DLC1: variants seen among roughly 807,000 people sequenced by gnomAD.
DLC1 encodes the protein rho GTPase-activating protein 7.
DLC1 carries 54 observed loss-of-function variants against 140.3 expected under a neutral mutation model. That is an observed-to-expected ratio of 0.38 (90% CI 0.31 to 0.48). DLC1 has a LOEUF of 0.48. Ranked by LOEUF, DLC1 falls within the 20% of genes least tolerant of loss-of-function variation. The probability of loss-of-function intolerance (pLI) is 0.96; values close to 1 mark genes in which losing one functional copy is unlikely to be tolerated. For missense variants in DLC1, 2,536 were observed against 1,907.0 expected (o/e 1.33, Z -6.14); for synonymous variants, 986 against 728.1 (o/e 1.35, Z -5.70).
intron 5 of DLC1, among the ~76,000 whole-genome samples, chr8:13,256,416 G>A (rs1028113066): frequency 7.2e-5 from 11 of 152,110 alleles, no homozygotes; most frequent in East Asian, 1.9e-4. Flanking sequence ...AAAGACACAC[G>A]CACACGTATG....
chr8:13,549,105 T>C (rs556263013), intron 1 of DLC1, among the ~76,000 whole-genome samples: 80 of 152,186 alleles, frequency 5.3e-4, no homozygotes, highest in African/African-American at 1.9e-3. Flanking sequence ...AGATGACTTA[T>C]TTTCTTACTC....
At position 13,366,664 on chromosome 8, in the gene DLC1, A is replaced by T. The variant is rs1216061864; in HGVS notation, c.1314+26889T>A. Among the ~76,000 whole-genome samples the T allele has an allele frequency of 2.6e-5, 4 of 152,222 alleles. No homozygotes were observed. In the East Asian group the frequency reaches 7.7e-4, roughly 29 times the overall value. ...TTAGAGCAGATATAAATTTTGGGCC[A>T]GAAACTTCCCCTGACTAGGTCTTCT... On this transcript the variant is annotated intron_variant, in intron 4 of 17. Coordinates refer to ENST00000276297, the MANE Select transcript of DLC1 (RefSeq NM_182643.3).
At position 13,085,820 on chromosome 8, in the gene DLC1, T is replaced by A; in HGVS notation, c.4578A>T (p.Lys1526Asn). ...SNQNTETKDT[K>N]SR The stretch of plus-strand genomic sequence containing the variant: ...TGCGTTGCTTCAGTGATCACCTAGA[T>A]TTGGTGTCTTTGGTTTCAGTGTTCT... Residue 1526 changes from lysine (K) to asparagine (N), a missense_variant, in exon 18 of 18, where the codon AAA becomes AAT. By Grantham distance (94) the Lys-to-Asn change is moderately conservative. Coordinates refer to ENST00000276297, the MANE Select transcript of DLC1 (RefSeq NM_182643.3). 1.9e-6 allele frequency: 3 copies of A among 1,614,122 alleles called. No individual in the cohort carries two copies. Among genetic ancestry groups the A allele is most frequent in the Non-Finnish European group, 2.5e-6 (3 of 1,179,996 alleles).
chr8:13,107,095 G>T (rs1461014465), intron 7 of DLC1, among the ~76,000 whole-genome samples: 1 of 152,166 alleles, frequency 6.6e-6, no homozygotes, highest in Non-Finnish European at 1.5e-5. Context: ...TTTCTCCAAG[G>T]GAACAGACAC....
At chr8:13,353,459 T>C (rs1729143) in intron 4 of DLC1, 144,694 of 151,502 alleles carry the variant, frequency 0.96, 69,250 homozygotes, top group East Asian at 1. Flanking sequence ...AGTGTGGTTT[T>C]GAAGAGAATA....
At chr8:13,506,898 G>C (rs551997622) in intron 1 of DLC1, among the ~76,000 whole-genome samples, 2 of 152,044 alleles carry the variant, frequency 1.3e-5, no homozygotes, top group South Asian at 4.2e-4. Flanking sequence ...GCATATGTTG[G>C]AAACCTGAAT....
At position 13,297,282 on chromosome 8, in the gene DLC1, T is replaced by TAAAAAAAAAAAAAAAAAAAAAAAAAAAAA. The variant is rs60048506; in HGVS notation, c.1348+7986_1348+7987insTTTTTTTTTTTTTTTTTTTTTTTTTTTTT. On this transcript the variant is annotated intron_variant, in intron 5 of 17. Coordinates refer to ENST00000276297, the MANE Select transcript of DLC1 (RefSeq NM_182643.3). ...CAGGCAAGCAGAGGCCTTCATACAT[T>TAAAAAAAAAAAAAAAAAAAAAAAAAAAAA]AAAAAAAAAAAAAACTGAAGCAAGT... is the stretch of plus-strand genomic sequence containing the variant. Among the ~76,000 whole-genome samples the TAAAAAAAAAAAAAAAAAAAAAAAAAAAAA allele has an allele frequency of 6.1e-3, 59 of 9,628 alleles. 26 individuals carry two copies. The highest frequency in any genetic ancestry group is 7.4e-3 in the Non-Finnish European group (41 of 5,556). The allele number at this position is 9,628 out of a possible 152,430, so 6.3% of individuals were successfully genotyped here. A position where few individuals can be genotyped will look rare whatever the true frequency, so the allele number is the denominator to read the frequency against.
At position 13,499,221 on chromosome 8, in the gene DLC1, C is replaced by T; in HGVS notation, c.851G>A (p.Cys284Tyr). ...ATTTTCAGCTGACATTCCATTGGGG[C>T]AGGAAGGAGGCTGCAGAAGGCAGCT... ...FGSCLLQPPS[C>Y]PNGMSAENGL... The change falls in exon 2 of 18, where the codon TGC (cysteine) becomes TAC (tyrosine). Residue 284 changes from cysteine (C) to tyrosine (Y), a missense_variant. Physicochemically the swap from Cys to Tyr is radical, Grantham distance 194. Transcript: ENST00000276297. The T allele has an allele frequency of 6.2e-7, 1 of 1,614,158 alleles. No homozygotes were observed. The highest frequency in any genetic ancestry group is 8.5e-7 in the Non-Finnish European group (1 of 1,180,016).
upstream of DLC1, chr8:13,515,547 A>G (rs1338639007): frequency 6.6e-6 from 1 of 152,202 alleles, no homozygotes; most frequent in Non-Finnish European, 1.5e-5. Flanking sequence ...TGCTGACATT[A>G]AACACTTACA....
intron 7 of DLC1, among the ~76,000 whole-genome samples, chr8:13,105,234 C>T (rs930692052): frequency 2.0e-5 from 3 of 152,176 alleles, no homozygotes; most frequent in South Asian, 2.1e-4. Context: ...CAGCTAATGG[C>T]ATTACAGACC....
intron 5 of DLC1, among the ~76,000 whole-genome samples, chr8:13,151,359 T>C (rs1267977397): frequency 6.6e-6 from 1 of 152,162 alleles, no homozygotes. Context: ...AACAATCTTA[T>C]GATTATTAAT....
intron 5 of DLC1, chr8:13,304,612 G>T: frequency 4.7e-6 from 4 of 857,768 alleles, no homozygotes; most frequent in Non-Finnish European, 5.6e-6. Flanking sequence ...TGTACTTCAA[G>T]TTAGATAATA....
At chr8:13,579,642 A>T (rs1805009227) in intron 1 of DLC1, among the ~76,000 whole-genome samples, 2 of 137,118 alleles carry the variant, frequency 1.5e-5, no homozygotes, top group African/African-American at 5.5e-5. Context: ...TATATTTAAT[A>T]TATTATAAAA....
intron 5 of DLC1, among the ~76,000 whole-genome samples, chr8:13,242,984 G>A (rs1016845421): frequency 8.0e-5 from 12 of 150,940 alleles, no homozygotes; most frequent in Non-Finnish European, 1.6e-4. Flanking sequence ...TTTCCCCCTT[G>A]TTGTTCTCGT....
chr8:13,435,539 C>T (rs1839080331), intron 2 of DLC1, among the ~76,000 whole-genome samples: 1 of 152,108 alleles, frequency 6.6e-6, no homozygotes, highest in South Asian at 2.1e-4. Flanking sequence ...GTCTTGAACT[C>T]CTGACCTCAG....
intron 4 of DLC1, among the ~76,000 whole-genome samples, chr8:13,365,887 G>A (rs1003872974): frequency 1.3e-5 from 2 of 152,146 alleles, no homozygotes; most frequent in African/African-American, 4.8e-5. Context: ...AGTGACCCAA[G>A]ATATTCATTT....
intron 2 of DLC1, among the ~76,000 whole-genome samples, chr8:13,440,269 C>G (rs894140568): frequency 3.3e-5 from 5 of 152,068 alleles, no homozygotes; most frequent in African/African-American, 1.2e-4. Flanking sequence ...ATCCTATGCC[C>G]TCTAAAAGTG....
rs142262550 is a variant in DLC1, at chr8:13,499,063, G to C, written c.1009C>G (p.Leu337Val). 1.2e-6 allele frequency: 2 copies of C among 1,610,854 alleles called. No individual in the cohort carries two copies. Among genetic ancestry groups the C allele is most frequent in the African/African-American group, 2.7e-5 (2 of 74,676 alleles). The change falls in exon 2 of 18, where the codon CTT becomes GTT. Residue 337 changes from leucine to valine, a missense_variant. Transcript: ENST00000276297. Reference protein sequence around the residue: ...TQEPTDNQVRLRKRKEIREDR... With the variant: ...TQEPTDNQVRVRKRKEIREDR... ...ATATGTCTTACCTTTCTCTTACGAA[G>C]TCTGACTTGGTTATCTGTGGGTTCC...
intron 5 of DLC1, among the ~76,000 whole-genome samples, chr8:13,135,444 G>C (rs1822491162): frequency 6.6e-6 from 1 of 152,048 alleles, no homozygotes; most frequent in South Asian, 2.1e-4. Context: ...GCCTCCCAAA[G>C]TGCTGGGATA....
Sources: allele counts gnomAD v4.1 joint callset (sites outside exome capture counted in the v4.1 genomes callset), GRCh38; gene constraint gnomAD v4.1.1; transcripts MANE v1.5; gene names NCBI Gene and HGNC (gene_info 2026-07-23, HGNC 2026-07-21).